Variants in CSGALNACT1 observed in about 807,000 individuals in gnomAD.
The protein encoded by CSGALNACT1 is chondroitin sulfate N-acetylgalactosaminyltransferase 1.
In CSGALNACT1, 52 loss-of-function variants were observed where a neutral mutation model predicts 51.0. That is an observed-to-expected ratio of 1.02 (90% CI 0.82 to 1.29). CSGALNACT1 has a LOEUF of 1.29. Ranked by LOEUF, CSGALNACT1 falls within the 50% of genes most tolerant of loss-of-function variation. The pLI, the probability that CSGALNACT1 is intolerant of heterozygous loss-of-function variation, is 0.00. For missense variants in CSGALNACT1, 935 were observed against 679.2 expected, an observed-to-expected ratio of 1.38 and a Z score of -4.19; for synonymous variants, 341 against 254.4, an observed-to-expected ratio of 1.34 and a Z score of -3.24.
intron 1 of CSGALNACT1, among the ~76,000 whole-genome samples, chr8:19,628,770 G>A (rs1257446351): frequency 6.6e-6 from 1 of 151,678 alleles, no homozygotes; most frequent in African/African-American, 2.4e-5. Context: ...CATGACCACT[G>A]TACCGAATTC....
chr8:19,648,507 C>G (rs1423551609), intron 1 of CSGALNACT1, among the ~76,000 whole-genome samples: 4 of 152,130 alleles, frequency 2.6e-5, no homozygotes, highest in Non-Finnish European at 4.4e-5. Context: ...TTATGAAATC[C>G]TAAGAATGGA....
At chr8:19,598,141 A>C (rs1411598180) in intron 2 of CSGALNACT1, among the ~76,000 whole-genome samples, 3 of 152,238 alleles carry the variant, frequency 2.0e-5, no homozygotes, top group African/African-American at 7.2e-5. Context: ...GGTAGAACCC[A>C]ACTCAATGAA....
chr8:19,639,182 C>G (rs1273107237), intron 1 of CSGALNACT1, among the ~76,000 whole-genome samples: 1 of 152,156 alleles, frequency 6.6e-6, no homozygotes, highest in Non-Finnish European at 1.5e-5. Flanking sequence ...AATGAAATCT[C>G]ATTTTCAAGT....
chr8:19,743,352 T>TA (rs2064436396), intron 1 of CSGALNACT1, among the ~76,000 whole-genome samples: 1 of 152,184 alleles, frequency 6.6e-6, no homozygotes, highest in African/African-American at 2.4e-5. Flanking sequence ...TGTGTATGTG[T>TA]ATGCCTGAGT....
chr8:19,583,811 T>C (rs890655314), intron 3 of CSGALNACT1, among the ~76,000 whole-genome samples: 2 of 152,212 alleles, frequency 1.3e-5, no homozygotes, highest in Non-Finnish European at 2.9e-5. Context: ...AAAATAATGA[T>C]TGCTCTGCAG....
intron 1 of CSGALNACT1, among the ~76,000 whole-genome samples, chr8:19,711,940 G>T: frequency 6.6e-6 from 1 of 152,172 alleles, no homozygotes; most frequent in South Asian, 2.1e-4. Context: ...TAAAGGTGGT[G>T]CTAAACCCAT....
chr8:19,414,542 A>G (rs1184830102), intron 8 of CSGALNACT1, among the ~76,000 whole-genome samples: 1 of 152,170 alleles, frequency 6.6e-6, no homozygotes, highest in East Asian at 1.9e-4. Context: ...CTTAATATGA[A>G]TTACTGCTGG....
chr8:19,474,869 G>GAAAAAAAAAAAA (rs10683237), intron 4 of CSGALNACT1, among the ~76,000 whole-genome samples: 6 of 86,160 alleles, frequency 7.0e-5, no homozygotes, highest in African/African-American at 9.4e-5. Context: ...CTCTGTCTCA[G>GAAAAAAAAAAAA]AAAAAAAAAA....
intron 4 of CSGALNACT1, among the ~76,000 whole-genome samples, chr8:19,468,683 G>C (rs1029016353): frequency 6.6e-6 from 1 of 152,134 alleles, no homozygotes; most frequent in African/African-American, 2.4e-5. Context: ...TGGCAGGTGA[G>C]GGAGAGGGAG....
chr8:19,648,892 G>A (rs1322684877), intron 1 of CSGALNACT1, among the ~76,000 whole-genome samples: 1 of 152,164 alleles, frequency 6.6e-6, no homozygotes, highest in Non-Finnish European at 1.5e-5. Context: ...GAATACAGTA[G>A]AGACTTCAGA....
At chr8:19,496,320 T>G (rs2075441184) in intron 4 of CSGALNACT1, among the ~76,000 whole-genome samples, 1 of 152,204 alleles carries the variant, frequency 6.6e-6, no homozygotes, top group South Asian at 2.1e-4. Flanking sequence ...AAAGTAAATC[T>G]TCTAATAAGG....
chr8:19,707,428 C>T (rs2062234612), intron 1 of CSGALNACT1, among the ~76,000 whole-genome samples: 1 of 152,150 alleles, frequency 6.6e-6, no homozygotes, highest in Non-Finnish European at 1.5e-5. Context: ...GACATGCAGC[C>T]ATTTTTATTT....
At chr8:19,535,254 C>T (rs1471333313) in intron 3 of CSGALNACT1, among the ~76,000 whole-genome samples, 1 of 152,142 alleles carries the variant, frequency 6.6e-6, no homozygotes, top group Non-Finnish European at 1.5e-5. Context: ...AAATCTGGCT[C>T]TCTAGAAGCC....
intron 4 of CSGALNACT1, among the ~76,000 whole-genome samples, chr8:19,475,115 G>C (rs1386187795): frequency 6.6e-6 from 1 of 152,142 alleles, no homozygotes; most frequent in African/African-American, 2.4e-5. Flanking sequence ...AGTTAAGAAG[G>C]AGGAGCTGTA....
chr8:19,683,791 G>C (rs1029880977), upstream of CSGALNACT1, among the ~76,000 whole-genome samples: 5 of 151,126 alleles, frequency 3.3e-5, no homozygotes, highest in Non-Finnish European at 7.4e-5. Flanking sequence ...ATAAATGTAA[G>C]AAAAGTCAAG....
intron 4 of CSGALNACT1, among the ~76,000 whole-genome samples, chr8:19,498,021 T>G (rs181133968): frequency 6.6e-6 from 1 of 152,144 alleles, no homozygotes; most frequent in Admixed American, 6.5e-5. Flanking sequence ...CTCCCTAAAA[T>G]GTATAAAGCC....
chr8:19,447,749 C>T (rs1488709253), intron 5 of CSGALNACT1, among the ~76,000 whole-genome samples: 1 of 152,162 alleles, frequency 6.6e-6, no homozygotes, highest in African/African-American at 2.4e-5. Flanking sequence ...ACTGACTTGT[C>T]AGAGAGGGAG....
intron 6 of CSGALNACT1, among the ~76,000 whole-genome samples, chr8:19,422,437 C>T (rs538403176): frequency 6.6e-6 from 1 of 152,284 alleles, no homozygotes; most frequent in Non-Finnish European, 1.5e-5. Context: ...ACTGCCTCGG[C>T]CTCCCAAAGT....
At chr8:19,641,427 C>T (rs1234059455) in intron 1 of CSGALNACT1, among the ~76,000 whole-genome samples, 5 of 152,130 alleles carry the variant, frequency 3.3e-5, no homozygotes, top group Admixed American at 6.5e-5. Context: ...GCAGGGCGAA[C>T]CTGGGAGAAC....
Sources: allele counts gnomAD v4.1 joint callset (sites outside exome capture counted in the v4.1 genomes callset), GRCh38; gene constraint gnomAD v4.1.1; transcripts MANE v1.5; gene names NCBI Gene and HGNC (gene_info 2026-07-23, HGNC 2026-07-21).